TMCC1: variants seen among roughly 807,000 people sequenced by gnomAD.
TMCC1 encodes transmembrane and coiled-coil domains protein 1.
TMCC1 carries 15 observed loss-of-function variants against 52.4 expected under a neutral mutation model. The observed-to-expected ratio is 0.29, with a 90% CI of 0.19 to 0.44. The LOEUF (loss-of-function observed/expected upper bound fraction) is 0.44. TMCC1 is among the 20% of genes least tolerant of loss of function. TMCC1 has a pLI of 1.00. For synonymous variants in TMCC1, 279 were observed against 301.9 expected (o/e 0.92, Z 0.79); for missense variants, 503 against 806.0 (o/e 0.62, Z 4.55).
At chr3:129,884,769 T>TA (rs113116865) in intron 1 of TMCC1, among the ~76,000 whole-genome samples, 25 of 151,392 alleles carry the variant, frequency 1.7e-4, no homozygotes, top group African/African-American at 3.6e-4. Flanking sequence ...TTCTTTGAGA[T>TA]AAAAAAAAAT....
At chr3:129,862,549 A>T (rs2060442733) in intron 2 of TMCC1, among the ~76,000 whole-genome samples, 1 of 152,220 alleles carries the variant, frequency 6.6e-6, no homozygotes, top group South Asian at 2.1e-4. Context: ...GATGAGCTCA[A>T]ATAGCACCAC....
intron 4 of TMCC1, among the ~76,000 whole-genome samples, chr3:129,699,634 C>T (rs750059281): frequency 1.2e-4 from 19 of 152,146 alleles, no homozygotes; most frequent in Non-Finnish European, 2.5e-4. Flanking sequence ...GAACTCTTTC[C>T]TGACAAGATG....
At chr3:129,728,022 T>G (rs917915126) in intron 4 of TMCC1, among the ~76,000 whole-genome samples, 2 of 152,220 alleles carry the variant, frequency 1.3e-5, no homozygotes. Flanking sequence ...CTATTTGGAC[T>G]TTCTGATCAT....
At chr3:129,729,378 G>C (rs1310065393) in intron 4 of TMCC1, among the ~76,000 whole-genome samples, 2 of 152,148 alleles carry the variant, frequency 1.3e-5, no homozygotes, top group Non-Finnish European at 2.9e-5. Flanking sequence ...CTGTTTTAAA[G>C]AATCTGTTTA....
At chr3:129,684,960 A>C (rs985225627) in intron 4 of TMCC1, among the ~76,000 whole-genome samples, 2 of 152,242 alleles carry the variant, frequency 1.3e-5, no homozygotes, top group Admixed American at 1.3e-4. Context: ...GCTCTCAAGG[A>C]ACACACAATC....
chr3:129,747,784 A>G (rs1294891225), intron 4 of TMCC1, among the ~76,000 whole-genome samples: 1 of 152,078 alleles, frequency 6.6e-6, no homozygotes, highest in Non-Finnish European at 1.5e-5. Context: ...CACGCTGTAC[A>G]GCTGCACAGA....
intron 4 of TMCC1, among the ~76,000 whole-genome samples, chr3:129,821,133 A>G (rs543696911): frequency 6.6e-6 from 1 of 152,120 alleles, no homozygotes; most frequent in African/African-American, 2.4e-5. Context: ...TCATTCTAAG[A>G]TCTATATTCT....
At chr3:129,802,655 C>A (rs945447576) in intron 4 of TMCC1, among the ~76,000 whole-genome samples, 1 of 152,078 alleles carries the variant, frequency 6.6e-6, no homozygotes, top group African/African-American at 2.4e-5. Flanking sequence ...AGCACCTAGG[C>A]CATTGTAACC....
chr3:129,850,069 G>A (rs999999671), intron 2 of TMCC1, among the ~76,000 whole-genome samples: 3 of 151,904 alleles, frequency 2.0e-5, no homozygotes, highest in Admixed American at 6.6e-5. Flanking sequence ...AAGATACAAA[G>A]TCTGTAGGAG....
At chr3:129,854,202 G>A (rs2060043178) in intron 2 of TMCC1, among the ~76,000 whole-genome samples, 1 of 151,860 alleles carries the variant, frequency 6.6e-6, no homozygotes, top group South Asian at 2.1e-4. Context: ...GACCAGCCTG[G>A]CCAACATGGT....
At chr3:129,732,200 T>A (rs1326400192) in intron 4 of TMCC1, among the ~76,000 whole-genome samples, 1 of 152,236 alleles carries the variant, frequency 6.6e-6, no homozygotes, top group Admixed American at 6.5e-5. Flanking sequence ...GTTTTACTTC[T>A]TTCTTTCCAA....
intron 4 of TMCC1, among the ~76,000 whole-genome samples, chr3:129,761,327 C>A (rs1486467649): frequency 5.2e-4 from 32 of 61,182 alleles, no homozygotes; most frequent in South Asian, 1.5e-3. Context: ...GACTCCGTCT[C>A]AAAAAAAAAA....
chr3:129,743,936 A>T (rs889304710), intron 4 of TMCC1, among the ~76,000 whole-genome samples: 8 of 141,332 alleles, frequency 5.7e-5, no homozygotes, highest in Non-Finnish European at 7.8e-5. Flanking sequence ...GCACTTGTTT[A>T]AAAAAAAAAA....
intron 4 of TMCC1, among the ~76,000 whole-genome samples, chr3:129,821,476 C>G (rs1415246906): frequency 6.6e-6 from 1 of 152,084 alleles, no homozygotes; most frequent in Admixed American, 6.6e-5. Flanking sequence ...AAATTCACTT[C>G]AACAAAATTC....
chr3:129,750,335 C>T (rs1265934839), intron 4 of TMCC1, among the ~76,000 whole-genome samples: 1 of 151,296 alleles, frequency 6.6e-6, no homozygotes, highest in African/African-American at 2.4e-5. Context: ...GGATTACAGG[C>T]ATCTGCCACC....
At chr3:129,706,855 T>C (rs1290062199) in intron 4 of TMCC1, among the ~76,000 whole-genome samples, 2 of 152,108 alleles carry the variant, frequency 1.3e-5, no homozygotes, top group African/African-American at 2.4e-5. Context: ...TGGAGTGCAA[T>C]GGCTATTCAC....
chr3:129,866,194 C>T (rs2060619172), intron 2 of TMCC1, among the ~76,000 whole-genome samples: 1 of 149,954 alleles, frequency 6.7e-6, no homozygotes, highest in Non-Finnish European at 1.5e-5. Context: ...CTTCATCTCT[C>T]ATTTGTTTCC....
At chr3:129,733,601 T>TGCCC (rs1286095610) in intron 4 of TMCC1, among the ~76,000 whole-genome samples, 1 of 152,128 alleles carries the variant, frequency 6.6e-6, no homozygotes, top group East Asian at 1.9e-4. Context: ...GAGGAAAAAT[T>TGCCC]TGGAAAGTGG....
At chr3:129,816,634 C>T (rs954443090) in intron 4 of TMCC1, among the ~76,000 whole-genome samples, 9 of 151,970 alleles carry the variant, frequency 5.9e-5, no homozygotes, top group Non-Finnish European at 1.0e-4. Context: ...TACAAATAAA[C>T]GGGGTCTGAT....
Sources: gnomAD v4.1 joint callset for allele counts (sites outside exome capture counted in the v4.1 genomes callset) on GRCh38, gnomAD v4.1.1 for gene constraint, MANE v1.5 for transcripts, NCBI Gene and HGNC (gene_info 2026-07-23, HGNC 2026-07-21) for gene names.